XKR4: variants seen among roughly 807,000 people sequenced by gnomAD.
The protein encoded by XKR4 is XK related 4, also known as XK-related protein 4.
A neutral mutation model predicts 53.9 loss-of-function variants in XKR4; 12 were observed. That is an observed-to-expected ratio of 0.22 (90% CI 0.14 to 0.36). The LOEUF (loss-of-function observed/expected upper bound fraction) is 0.36. Among genes scored for constraint, XKR4 ranks in the 10% least tolerant of loss-of-function variants. XKR4 has a pLI of 1.00. For synonymous variants in XKR4, 354 were observed against 362.4 expected, an observed-to-expected ratio of 0.98 and a Z score of 0.26; for missense variants, 799 against 859.5, an observed-to-expected ratio of 0.93 and a Z score of 0.88.
At chr8:55,330,005 G>A (rs569515952) in intron 1 of XKR4, among the ~76,000 whole-genome samples, 4 of 152,156 alleles carry the variant, frequency 2.6e-5, no homozygotes, top group Non-Finnish European at 5.9e-5. Flanking sequence ...CTAGGATTAT[G>A]TGAACAAATA....
At chr8:55,354,033 G>C (rs1230857903) in intron 1 of XKR4, among the ~76,000 whole-genome samples, 1 of 152,170 alleles carries the variant, frequency 6.6e-6, no homozygotes, top group Admixed American at 6.5e-5. Flanking sequence ...AAAATAGGCA[G>C]AGCAACTAGG....
intron 1 of XKR4, among the ~76,000 whole-genome samples, chr8:55,321,425 A>G (rs896003460): frequency 2.0e-5 from 3 of 152,116 alleles, no homozygotes; most frequent in Non-Finnish European, 2.9e-5. Context: ...TACCCCTCCC[A>G]TGAACTACTT....
intron 1 of XKR4, among the ~76,000 whole-genome samples, chr8:55,280,189 G>A (rs1299791517): frequency 6.6e-6 from 1 of 152,196 alleles, no homozygotes; most frequent in Non-Finnish European, 1.5e-5. Flanking sequence ...CAAACGTTGT[G>A]TTGCAAGCCT....
rs77251367 is a variant in XKR4 at position 55,512,990 on chromosome 8, C to T, written c.1007-10291C>T. Reference sequence around the variant, plus strand: ...ACCTTGTGTGATCATGAACATCCCACACCAGCACCGCCTCTACTTGTGCCA... The same window carrying T: ...ACCTTGTGTGATCATGAACATCCCATACCAGCACCGCCTCTACTTGTGCCA... On this transcript the variant is annotated intron_variant, in intron 2 of 2. Coordinates refer to ENST00000327381, the MANE Select transcript of XKR4 (RefSeq NM_052898.2). 4.0e-4 allele frequency among the ~76,000 whole-genome samples: 61 copies of T among 152,304 alleles called. 3 individuals are homozygous for T. In the East Asian group the frequency reaches 7.9e-3, roughly 20 times the overall value.
chr8:55,225,597 C>T (rs557951280), intron 1 of XKR4, among the ~76,000 whole-genome samples: 49 of 152,288 alleles, frequency 3.2e-4, no homozygotes, highest in African/African-American at 1.1e-3. Flanking sequence ...CCAGCCTAGT[C>T]GTCTGTTTTC....
intron 1 of XKR4, among the ~76,000 whole-genome samples, chr8:55,288,905 C>T (rs1350736318): frequency 6.6e-6 from 1 of 152,164 alleles, no homozygotes; most frequent in Non-Finnish European, 1.5e-5. Flanking sequence ...AATCATGTAG[C>T]ACATAACCTT....
rs149648220 is a variant in XKR4, at chr8:55,526,394, T to A, written c.*2167T>A. The A allele has an allele frequency of 6.6e-6, 1 of 152,180 alleles. No homozygotes were observed. The highest frequency in any genetic ancestry group is 2.1e-4 in the South Asian group (1 of 4,824). The allele number at this position is 152,180 out of a possible 1,614,324, so 9.4% of individuals were successfully genotyped here. ...AGTAGACATACTTCCTAGTACTCCA[T>A]GATTTGATCCTCCAAGCAAGATTTC... On this transcript the variant is annotated 3_prime_UTR_variant, in exon 3 of 3. Transcript: ENST00000327381.
At chr8:55,178,613 G>C (rs901942955) in intron 1 of XKR4, among the ~76,000 whole-genome samples, 2 of 152,162 alleles carry the variant, frequency 1.3e-5, no homozygotes, top group African/African-American at 2.4e-5. Context: ...TGGTGGAAGA[G>C]AGACCCCTGA....
chr8:55,471,833 T>C (rs1486855269), intron 2 of XKR4, among the ~76,000 whole-genome samples: 1 of 152,148 alleles, frequency 6.6e-6, no homozygotes, highest in Non-Finnish European at 1.5e-5. Flanking sequence ...AGCTCTCCCT[T>C]TGCCTTCTGC....
intron 1 of XKR4, among the ~76,000 whole-genome samples, chr8:55,141,434 C>T (rs567662218): frequency 1.3e-5 from 2 of 152,086 alleles, no homozygotes; most frequent in Admixed American, 1.3e-4. Context: ...CACCTTCCGT[C>T]TCTACTGGGG....
At chr8:55,375,516 A>T (rs1356041657) in intron 2 of XKR4, among the ~76,000 whole-genome samples, 1 of 152,042 alleles carries the variant, frequency 6.6e-6, no homozygotes, top group Non-Finnish European at 1.5e-5. Flanking sequence ...TGCCCTCTAG[A>T]GCCAGAGCTG....
chr8:55,173,354 T>G (rs754552993), intron 1 of XKR4, among the ~76,000 whole-genome samples: 1 of 152,072 alleles, frequency 6.6e-6, no homozygotes, highest in African/African-American at 2.4e-5. Flanking sequence ...TAACCTACTT[T>G]CCAAATACTC....
At chr8:55,402,088 A>G (rs1640050393) in intron 2 of XKR4, among the ~76,000 whole-genome samples, 1 of 152,236 alleles carries the variant, frequency 6.6e-6, no homozygotes, top group Non-Finnish European at 1.5e-5. Flanking sequence ...CTGTTGCAAT[A>G]GCAGTAGGTA....
In XKR4 at chr8:55,531,120, G is replaced by A. The variant is rs1806946650; in HGVS notation, c.*6893G>A. On this transcript the variant is annotated 3_prime_UTR_variant, in exon 3 of 3. Coordinates refer to ENST00000327381, the MANE Select transcript of XKR4 (RefSeq NM_052898.2). ...AGCTTTTCTAAGACTATGCAGTCAT[G>A]TGTCACTTAAGGATGGGGATATGTT... 1 of 152,170 alleles carries A rather than the reference G, an allele frequency of 6.6e-6. No homozygotes were observed. The highest frequency in any genetic ancestry group is 6.5e-5 in the Admixed American group (1 of 15,278). The allele number at this position is 152,170 out of a possible 1,614,324, so 9.4% of individuals were successfully genotyped here. A position where few individuals can be genotyped will look rare whatever the true frequency, so the allele number is the denominator to read the frequency against.
chr8:55,102,497 T>G lies in XKR4; in HGVS notation c.9T>G (p.Ala3=). ...TCCGGTGTGGAGGCATCATGGCCGC[T>G]AAATCAGACGGGAGGCTGAAAATGA... MA[A]KSDGRLKMKK... is the part of the protein sequence containing the mutation. The change falls in exon 1 of 3, where the codon GCT becomes GCG. Residue 3 remains alanine (A), a synonymous_variant. Coordinates refer to ENST00000327381, the MANE Select transcript of XKR4 (RefSeq NM_052898.2). The surrounding 1 kb of genome is among the most constrained non-coding windows in gnomAD (Gnocchi z 5.1). The G allele has an allele frequency of 2.6e-6, 4 of 1,548,478 alleles. No individual in the cohort carries two copies. Among genetic ancestry groups the G allele is most frequent in the Non-Finnish European group, 3.5e-6 (4 of 1,142,528 alleles).
intron 1 of XKR4, among the ~76,000 whole-genome samples, chr8:55,341,097 G>C (rs1803538647): frequency 6.6e-6 from 1 of 152,172 alleles, no homozygotes; most frequent in Non-Finnish European, 1.5e-5. Flanking sequence ...CGGGGAACCT[G>C]TGATACAACT....
At chr8:55,451,386 G>A in intron 2 of XKR4, 1 of 788,272 alleles carries the variant, frequency 1.3e-6, no homozygotes, top group Non-Finnish European at 2.1e-6. Flanking sequence ...AGGAGAAGCC[G>A]CTAAGTGTGT....
chr8:55,498,467 C>T (rs1467744461), intron 2 of XKR4, among the ~76,000 whole-genome samples: 1 of 152,148 alleles, frequency 6.6e-6, no homozygotes, highest in East Asian at 1.9e-4. Context: ...CTCCAGGGGT[C>T]ACCTGGCTGC....
chr8:55,152,108 C>A (rs906598631), intron 1 of XKR4, among the ~76,000 whole-genome samples: 1 of 152,112 alleles, frequency 6.6e-6, no homozygotes, highest in Non-Finnish European at 1.5e-5. Context: ...AATTTCTACC[C>A]TTCCAATAGA....
Sources: gnomAD v4.1 joint callset for allele counts (sites outside exome capture counted in the v4.1 genomes callset) on GRCh38, gnomAD v4.1.1 for gene constraint, Gnocchi (gnomAD v3.1) non-coding constraint, MANE v1.5 for transcripts, NCBI Gene and HGNC (gene_info 2026-07-23, HGNC 2026-07-21) for gene names.